WDR27: variants seen among roughly 807,000 people sequenced by gnomAD.
WDR27 encodes WD repeat-containing protein 27.
A neutral mutation model predicts 114.4 loss-of-function variants in WDR27; 100 were observed. That is an observed-to-expected ratio of 0.87 (90% CI 0.74 to 1.03). The LOEUF (loss-of-function observed/expected upper bound fraction) is 1.03. Ranked by LOEUF, WDR27 falls within the 50% of genes least tolerant of loss-of-function variation. WDR27 has a pLI of 0.00. For synonymous variants in WDR27, 449 were observed against 423.1 expected, an observed-to-expected ratio of 1.06 and a Z score of -0.75; for missense variants, 1,129 against 1,092.9, an observed-to-expected ratio of 1.03 and a Z score of -0.47.
At chr6:169,454,209 T>C (rs1784262837), downstream of WDR27, among the ~76,000 whole-genome samples, 1 of 152,196 alleles carries the variant, frequency 6.6e-6, no homozygotes, top group South Asian at 2.1e-4. Context: ...GAAAAACATA[T>C]TTGTGTGAGC....
At chr6:169,597,333 A>ATGTTTT (rs1374268932) in intron 23 of WDR27, among the ~76,000 whole-genome samples, 1 of 150,502 alleles carries the variant, frequency 6.6e-6, no homozygotes, top group East Asian at 1.9e-4. Context: ...TGTTTCTATT[A>ATGTTTT]TGTTTTTTTT....
In WDR27 at chr6:169,668,034, C is replaced by G. The variant is rs1328547480; in HGVS notation, c.608G>C (p.Cys203Ser). The change falls in exon 5 of 26, where the codon TGT (cysteine) becomes TCT (serine). Residue 203 changes from cysteine (C) to serine (S), a missense_variant. By Grantham distance (112) the Cys-to-Ser change is moderately radical. Transcript: ENST00000448612. ...HLGPVTAVEFCPWRAGTLISA... is the reference protein window; with the variant it reads ...HLGPVTAVEFSPWRAGTLISA... ...GATGAGGGTGCCTGCTCGCCAGGGACAGAACTCCACCGCAGTCACCGGGCC... is the reference window on the plus strand; with the variant it reads ...GATGAGGGTGCCTGCTCGCCAGGGAGAGAACTCCACCGCAGTCACCGGGCC... 6.2e-7 allele frequency: 1 copy of G among 1,614,000 alleles called. No individual in the cohort carries two copies. Among genetic ancestry groups the G allele is most frequent in the Non-Finnish European group, 8.5e-7 (1 of 1,179,898 alleles).
At chr6:169,594,863 T>G (rs903486807) in intron 23 of WDR27, among the ~76,000 whole-genome samples, 5 of 152,232 alleles carry the variant, frequency 3.3e-5, no homozygotes, top group Non-Finnish European at 7.3e-5. Context: ...ATCTGAAAGT[T>G]TTTTTCTTTT....
chr6:169,554,104 G>C (rs1047331264), intron 25 of WDR27, among the ~76,000 whole-genome samples: 6 of 152,166 alleles, frequency 3.9e-5, no homozygotes, highest in African/African-American at 1.4e-4. Flanking sequence ...CTGAGGAAAC[G>C]AAGTAATAAC....
chr6:169,472,110 T>C (rs888524310), intron 25 of WDR27, among the ~76,000 whole-genome samples: 7 of 152,240 alleles, frequency 4.6e-5, no homozygotes, highest in African/African-American at 1.7e-4. Flanking sequence ...AATCCATCAG[T>C]AGCTTCCTAG....
At chr6:169,440,901 C>A in the WDR27 span, among the ~76,000 whole-genome samples, 1 of 152,308 alleles carries the variant, frequency 6.6e-6, no homozygotes, top group East Asian at 1.9e-4. Context: ...TTTTCATCTG[C>A]TGAGTTGGTT....
intron 25 of WDR27, among the ~76,000 whole-genome samples, chr6:169,503,649 G>A (rs1386157584): frequency 6.6e-6 from 1 of 152,096 alleles, no homozygotes; most frequent in Non-Finnish European, 1.5e-5. Flanking sequence ...TACATGTTTT[G>A]GGAACTTTTC....
chr6:169,432,861 G>A, the WDR27 span, among the ~76,000 whole-genome samples: 1 of 152,142 alleles, frequency 6.6e-6, no homozygotes, highest in Non-Finnish European at 1.5e-5. Context: ...AAGAAGACAG[G>A]AAAATGTGGG....
At chr6:169,692,335 T>C (rs1350150987) in intron 1 of WDR27, among the ~76,000 whole-genome samples, 2 of 152,110 alleles carry the variant, frequency 1.3e-5, no homozygotes, top group Non-Finnish European at 1.5e-5. Context: ...AACTGAATTA[T>C]GTGATAATTT....
chr6:169,457,308 A>G lies in WDR27; in HGVS notation c.*284T>C, dbSNP rs542969387. On this transcript the variant is annotated 3_prime_UTR_variant, in exon 26 of 26. Coordinates refer to ENST00000448612, the MANE Select transcript of WDR27 (RefSeq NM_182552.5). ...CAAATACTATATTATGTTTTATTGA[A>G]AGATATTTTGTTTTAACTTTACCAA... 6.7e-4 allele frequency: 208 copies of G among 310,350 alleles called. No homozygotes were observed. The highest frequency in any genetic ancestry group is 5.1e-3 in the Middle Eastern group (6 of 1,184). 19.2% of individuals were successfully genotyped at this position (310,350 alleles called of 1,614,324 possible).
At chr6:169,509,474 CG>C (rs1190591223) in intron 25 of WDR27, among the ~76,000 whole-genome samples, 1 of 151,792 alleles carries the variant, frequency 6.6e-6, no homozygotes, top group Non-Finnish European at 1.5e-5. Context: ...GAAATAATGC[CG>C]CATATCTACA....
chr6:169,446,219 G>A, the WDR27 span, among the ~76,000 whole-genome samples: 1 of 152,206 alleles, frequency 6.6e-6, no homozygotes, highest in East Asian at 1.9e-4. Context: ...TGACCCACAG[G>A]CTTGTCTTCA....
At chr6:169,516,399 C>T (rs548575025) in intron 25 of WDR27, among the ~76,000 whole-genome samples, 1 of 152,278 alleles carries the variant, frequency 6.6e-6, no homozygotes, top group Admixed American at 6.5e-5. Flanking sequence ...TATCTGATGC[C>T]TCCCTGGAAG....
chr6:169,633,227 C>T (rs1292254244), intron 20 of WDR27, among the ~76,000 whole-genome samples, 159 bp from the exon 21 acceptor site: 1 of 152,194 alleles, frequency 6.6e-6, no homozygotes, highest in Non-Finnish European at 1.5e-5. Context: ...GTCCTGAGTC[C>T]AGTCCAGCCC....
At chr6:169,544,688 G>C (rs1311526779) in intron 25 of WDR27, among the ~76,000 whole-genome samples, 2 of 152,074 alleles carry the variant, frequency 1.3e-5, no homozygotes, top group Non-Finnish European at 2.9e-5. Context: ...ACCTGCTTTG[G>C]CCTCCCAAAG....
the WDR27 span, among the ~76,000 whole-genome samples, chr6:169,427,608 T>C: frequency 6.6e-6 from 1 of 152,152 alleles, no homozygotes; most frequent in Non-Finnish European, 1.5e-5. Context: ...GTCTGCTGTG[T>C]CTGCAGAGCA....
chr6:169,607,160 T>A (rs888195547), intron 22 of WDR27, among the ~76,000 whole-genome samples: 2 of 152,112 alleles, frequency 1.3e-5, no homozygotes, highest in Non-Finnish European at 2.9e-5. Flanking sequence ...TAGTACAACC[T>A]CTACGCAAAA....
chr6:169,621,617 CGCATATACATACCCACACAT>C (rs1448590150), intron 21 of WDR27, among the ~76,000 whole-genome samples: 38 of 150,598 alleles, frequency 2.5e-4, no homozygotes, highest in Non-Finnish European at 5.3e-4. Context: ...CATGCATTCA[CGCATATACATACCCACACAT>C]GCATATACAT....
chr6:169,552,976 GTGTGTGTGTGTGT>G (rs1562571489), intron 25 of WDR27, among the ~76,000 whole-genome samples: 3 of 50,506 alleles, frequency 5.9e-5, no homozygotes, highest in Non-Finnish European at 3.8e-5. Flanking sequence ...CCTGCCCGGT[GTGTGTGTGTGTGT>G]GTGTGTGTGT....
Sources: allele counts gnomAD v4.1 joint callset (sites outside exome capture counted in the v4.1 genomes callset), GRCh38; gene constraint gnomAD v4.1.1; transcripts MANE v1.5; gene names NCBI Gene and HGNC (gene_info 2026-07-23, HGNC 2026-07-21).